The following CEP44 variants were observed in gnomAD, a reference collection of about 807,000 sequenced individuals.
CEP44 encodes centrosomal protein of 44 kDa.
A neutral mutation model predicts 46.7 loss-of-function variants in CEP44; 45 were observed. That is an observed-to-expected ratio of 0.96 (90% confidence interval 0.76 to 1.24). The LOEUF is 1.24. Ranked by LOEUF, CEP44 falls within the 50% of genes most tolerant of loss-of-function variation. The pLI is 0.00. For missense variants in CEP44, 475 were observed against 459.7 expected, an observed-to-expected ratio of 1.03 and a Z score of -0.30; for synonymous variants, 142 against 146.0, an observed-to-expected ratio of 0.97 and a Z score of 0.20.
At chr4:174,332,676 T>G (rs1357540043) in exon 9 of CEP44, 2 of 152,188 alleles carry the variant, frequency 1.3e-5, no homozygotes, top group African/African-American at 4.8e-5. Flanking sequence ...ATAGCATGCA[T>G]TAATCACAAC....
downstream of CEP44, among the ~76,000 whole-genome samples, chr4:174,324,434 AAAGTT>A (rs1033116095): frequency 2.6e-5 from 4 of 152,142 alleles, no homozygotes; most frequent in Non-Finnish European, 5.9e-5. Flanking sequence ...GTCAAATAGT[AAAGTT>A]ATGATTAAGT....
chr4:174,289,436 T>C (rs931720328), intron 1 of CEP44, among the ~76,000 whole-genome samples: 2 of 152,010 alleles, frequency 1.3e-5, no homozygotes, highest in Non-Finnish European at 2.9e-5. Flanking sequence ...TTGTTATTTG[T>C]CTATTCAAGC....
At chr4:174,289,827 T>A (rs184134892) in intron 1 of CEP44, among the ~76,000 whole-genome samples, 93 of 152,118 alleles carry the variant, frequency 6.1e-4, no homozygotes, top group Non-Finnish European at 1.1e-3. Context: ...TTAGGTTGTT[T>A]TATTGAGACC....
rs574148635 is a variant in CEP44 at position 174,287,557 on chromosome 4, C to T, written c.-148+3614C>T. Reference sequence around the variant, plus strand: ...GGTCCAGGAACTTTATCCCAGATACCATTTCTGTTATTTGTTGCTTTCTAT... The same window carrying T: ...GGTCCAGGAACTTTATCCCAGATACTATTTCTGTTATTTGTTGCTTTCTAT... On this transcript the variant is annotated intron_variant, in intron 1 of 11. Transcript: ENST00000503780. This position sits in a 1 kb window ranked among gnomAD's most constrained non-coding sequence, Gnocchi z 5.1. Among the ~76,000 whole-genome samples, 439 of 152,212 alleles carry T rather than the reference C, an allele frequency of 2.9e-3. 1 individual carries two copies. Among genetic ancestry groups the T allele is most frequent in the Non-Finnish European group, 5.6e-3 (379 of 68,002 alleles).
In CEP44 at chr4:174,288,525, ATT is replaced by A. The variant is rs1293200328; in HGVS notation, c.-148+4584_-148+4585del. 1.3e-5 allele frequency among the ~76,000 whole-genome samples: 2 copies of A among 151,956 alleles called. No homozygotes were observed. The highest frequency in any genetic ancestry group is 4.8e-5 in the African/African-American group (2 of 41,372). ...TTCACATACATTGAGATAATACAGTATTTGTCTTTTTGTGTTTAGCTTATTTC... is the reference window on the plus strand; with the variant it reads ...TTCACATACATTGAGATAATACAGTATGTCTTTTTGTGTTTAGCTTATTTC... On this transcript the variant is annotated intron_variant, in intron 1 of 11. Coordinates refer to ENST00000503780, the MANE Select transcript of CEP44 (RefSeq NM_001040157.3). This position sits in a 1 kb window ranked among gnomAD's most constrained non-coding sequence, Gnocchi z 4.6.
rs1408260873 is a variant in CEP44, at chr4:174,290,721, C to T, written c.-148+6778C>T. On this transcript the variant is annotated intron_variant, in intron 1 of 11. Transcript: ENST00000503780. The surrounding 1 kb of genome is among the most constrained non-coding windows in gnomAD (Gnocchi z 4.3). ...TGCTGTTGGCATTCTGTCTGGATGA[C>T]CTGTACATTATAGAGAGTGATGTAT... Among the ~76,000 whole-genome samples, 3 of 152,114 alleles carry T rather than the reference C, an allele frequency of 2.0e-5. No homozygotes were observed. The highest frequency in any genetic ancestry group is 4.4e-5 in the Non-Finnish European group (3 of 68,010).
At chr4:174,323,324 A>G (rs1421989488), downstream of CEP44, among the ~76,000 whole-genome samples, 3 of 152,116 alleles carry the variant, frequency 2.0e-5, no homozygotes, top group Non-Finnish European at 2.9e-5. Flanking sequence ...ATGTTTCTGC[A>G]TCAGCGTTTA....
At position 174,303,784 on chromosome 4, in the gene CEP44, C is replaced by A; in HGVS notation, c.319C>A (p.Gln107Lys). 1 of 1,571,760 alleles carries A rather than the reference C, an allele frequency of 6.4e-7. No homozygotes were observed. Among genetic ancestry groups the A allele is most frequent in the Non-Finnish European group, 8.7e-7 (1 of 1,149,144 alleles). The change falls in exon 5 of 12, where the codon CAA becomes AAA. Residue 107 changes from glutamine to lysine, a missense_variant. Coordinates refer to ENST00000503780, the MANE Select transcript of CEP44 (RefSeq NM_001040157.3). ...IQCGFAEWKI[Q>K]IVCDILNCVM... ...ATGTGGGTTTGCAGAATGGAAAATC[C>A]AAATTGTTTGTGATATTTTGAATTG...
intron 11 of CEP44, among the ~76,000 whole-genome samples, chr4:174,317,015 G>A (rs1178721182): frequency 6.6e-6 from 1 of 151,772 alleles, no homozygotes; most frequent in Non-Finnish European, 1.5e-5. Flanking sequence ...CAAATGGTGT[G>A]ATTTTTCTAA....
chr4:174,302,149 C>G lies in CEP44; in HGVS notation c.200C>G (p.Ala67Gly). Reference protein sequence around the residue: ...LIMESNVELIAKNDLRFIDAV... With the variant: ...LIMESNVELIGKNDLRFIDAV... ...ATGGAATCCAATGTAGAGCTCATAG[C>G]AAAAAATGACTTGCGCTTTATAGAT... Residue 67 changes from alanine to glycine, a missense_variant, in exon 4 of 12, where the codon GCA becomes GGA. Coordinates refer to ENST00000503780, the MANE Select transcript of CEP44 (RefSeq NM_001040157.3). 6.2e-7 allele frequency: 1 copy of G among 1,606,500 alleles called. No individual in the cohort carries two copies. The highest frequency in any genetic ancestry group is 8.5e-7 in the Non-Finnish European group (1 of 1,176,600).
chr4:174,319,170 C>T lies in CEP44; in HGVS notation c.*1787C>T, dbSNP rs1306186513. The T allele has an allele frequency of 2.0e-6, 2 of 982,716 alleles. No homozygotes were observed. The highest frequency in any genetic ancestry group is 1.7e-5 in the African/African-American group (1 of 57,274). 60.9% of individuals were successfully genotyped at this position (982,716 alleles called of 1,614,324 possible). A position where few individuals can be genotyped will look rare whatever the true frequency, so the allele number is the denominator to read the frequency against. On this transcript the variant is annotated 3_prime_UTR_variant, in exon 12 of 12. Transcript: ENST00000503780. ...ACTTTAAAATGGTAGCCTACAGAAA[C>T]ATACAATTTTGAATTTAACAGAGTT...
At chr4:174,304,545 T>C (rs577835213) in intron 6 of CEP44, among the ~76,000 whole-genome samples, 176 bp downstream of exon 6, 1 of 152,214 alleles carries the variant, frequency 6.6e-6, no homozygotes, top group African/African-American at 2.4e-5. Context: ...GTTATAACAA[T>C]AGGATAGAAA....
chr4:174,312,762 C>T lies in CEP44; in HGVS notation c.961+1904C>T. On this transcript the variant is annotated intron_variant, in intron 9 of 11. Coordinates refer to ENST00000503780, the MANE Select transcript of CEP44 (RefSeq NM_001040157.3). This position sits in a 1 kb window ranked among gnomAD's most constrained non-coding sequence, Gnocchi z 4.5. ...AAAGACTCAAGTTTATAAAGACTTA[C>T]ACATTATACCTTATACATGCTACTT... Among the ~76,000 whole-genome samples the T allele has an allele frequency of 6.6e-6, 1 of 152,160 alleles. No homozygotes were observed. Among genetic ancestry groups the T allele is most frequent in the East Asian group, 1.9e-4 (1 of 5,196 alleles).
rs750457522 is a variant in CEP44 at position 174,318,078 on chromosome 4, G to A, written c.*695G>A. The A allele has an allele frequency of 3.5e-5, 34 of 984,778 alleles. No individual in the cohort carries two copies. The South Asian group carries it at 1.2e-3, about 34-fold the overall frequency. 61.0% of individuals were successfully genotyped at this position (984,778 alleles called of 1,614,324 possible). On this transcript the variant is annotated 3_prime_UTR_variant, in exon 12 of 12. Coordinates refer to ENST00000503780, the MANE Select transcript of CEP44 (RefSeq NM_001040157.3). ...GCTCTATTGTATAATTTTTTTGGAGGGGGGGATGGAGTTTCGCTGTTGTTG... is the reference window on the plus strand; with the variant it reads ...GCTCTATTGTATAATTTTTTTGGAGAGGGGGATGGAGTTTCGCTGTTGTTG...
At position 174,320,012 on chromosome 4, in the gene CEP44, C is replaced by T. The variant is rs955131038; in HGVS notation, c.*2629C>T. The T allele has an allele frequency of 4.1e-6, 4 of 985,076 alleles. No individual in the cohort carries two copies. The African/African-American group carries it at 5.2e-5, about 13-fold the overall frequency. The allele number at this position is 985,076 out of a possible 1,614,324, so 61.0% of individuals were successfully genotyped here. The stretch of plus-strand genomic sequence containing the variant: ...GTTAAGTAAAATTTTCACTTTCATT[C>T]TTTTCATTCTCTCATAAACTGGTTG... On this transcript the variant is annotated 3_prime_UTR_variant, in exon 12 of 12. Coordinates refer to ENST00000503780, the MANE Select transcript of CEP44 (RefSeq NM_001040157.3).
In CEP44 at chr4:174,303,623, C is replaced by T. The variant is rs1028689059; in HGVS notation, c.238-80C>T. 333 of 878,610 alleles carry T rather than the reference C, an allele frequency of 3.8e-4. 4 individuals are homozygous for T. The highest frequency in any genetic ancestry group is 5.0e-4 in the Non-Finnish European group (287 of 578,894). 54.4% of individuals were successfully genotyped at this position (878,610 alleles called of 1,614,324 possible). A position where few individuals can be genotyped will look rare whatever the true frequency, so the allele number is the denominator to read the frequency against. The stretch of plus-strand genomic sequence containing the variant: ...TCCTCTCAAAGGTGGCCATTATTCC[C>T]CTGACCAGGTGGGCATTATCATTTG... On this transcript the variant is annotated intron_variant, in intron 4 of 11. Coordinates refer to ENST00000503780, the MANE Select transcript of CEP44 (RefSeq NM_001040157.3).
At position 174,325,883 on chromosome 4, in the gene CEP44, G is replaced by A. The variant is rs557557122; in HGVS notation, c.1087-5599G>A. 2.9e-4 allele frequency among the ~76,000 whole-genome samples: 44 copies of A among 152,194 alleles called. No individual in the cohort carries two copies. Among genetic ancestry groups the A allele is most frequent in the Non-Finnish European group, 4.1e-4 (28 of 67,998 alleles). ...CTCCTGATATCTATGTTGTCTGACA[G>A]CTATTCCAGATTTCTCTTAGGAAGT... On this transcript the variant is annotated intron_variant, in intron 8 of 8. Transcript: ENST00000426172. The surrounding 1 kb of genome is among the most constrained non-coding windows in gnomAD (Gnocchi z 4.4).
At chr4:174,327,165 G>A (rs145270935) in intron 8 of CEP44, among the ~76,000 whole-genome samples, 20 of 143,338 alleles carry the variant, frequency 1.4e-4, no homozygotes, top group East Asian at 6.0e-4. Context: ...GTGTGTGTGT[G>A]TATATATATG....
Position 174,331,516 on chromosome 4 carries a change from C to T in CEP44, c.1121C>T (p.Ser374Phe). ...GCATGGAGTGCTACATCCTCTTGTT[C>T]CAGTCTCAGCTGGCTGCTCCGTGGG... Residue 374 changes from serine to phenylalanine, a missense_variant, in exon 9 of 9, where the codon TCC becomes TTC. Transcript: ENST00000426172. The surrounding 1 kb of genome is among the most constrained non-coding windows in gnomAD (Gnocchi z 4.5). The T allele has an allele frequency of 6.4e-7, 1 of 1,551,590 alleles. No individual in the cohort carries two copies. Among genetic ancestry groups the T allele is most frequent in the Non-Finnish European group, 8.7e-7 (1 of 1,146,932 alleles).
Sources: gnomAD v4.1 joint callset for allele counts (sites outside exome capture counted in the v4.1 genomes callset) on GRCh38, gnomAD v4.1.1 for gene constraint, Gnocchi (gnomAD v3.1) non-coding constraint, MANE v1.5 for transcripts, NCBI Gene and HGNC (gene_info 2026-07-23, HGNC 2026-07-21) for gene names.